MPRIP: variants seen among roughly 807,000 people sequenced by gnomAD.
MPRIP encodes the protein myosin phosphatase Rho interacting protein.
Under a neutral mutation model 234.9 loss-of-function variants are expected in MPRIP, and 59 were observed. The observed-to-expected ratio is 0.25, with a 90% CI of 0.20 to 0.31. MPRIP has a LOEUF of 0.31. MPRIP is among the 10% of genes least tolerant of loss of function. The probability of loss-of-function intolerance (pLI) is 1.00; values close to 1 mark genes in which losing one functional copy is unlikely to be tolerated. For missense variants in MPRIP, 2,436 were observed against 3,071.0 expected, an observed-to-expected ratio of 0.79 and a Z score of 4.89; for synonymous variants, 1,144 against 1,263.9, an observed-to-expected ratio of 0.91 and a Z score of 2.01.
At chr17:17,099,590 G>A (rs1386957300) in intron 3 of MPRIP, among the ~76,000 whole-genome samples, 2 of 152,078 alleles carry the variant, frequency 1.3e-5, no homozygotes, top group African/African-American at 4.8e-5. Context: ...AGCTGGATGT[G>A]GTGGTGCATA....
rs147101697 is a variant in MPRIP at position 17,158,716 on chromosome 17, G to A, written c.2114G>A (p.Arg705Gln). 3.6e-5 allele frequency: 58 copies of A among 1,610,212 alleles called. No individual in the cohort carries two copies. The highest frequency in any genetic ancestry group is 8.3e-5 in the Admixed American group (5 of 59,974). Residue 705 changes from arginine (R) to glutamine (Q), a missense_variant, in exon 14 of 24, where the codon CGG becomes CAG. Arg to Gln is a conservative substitution (Grantham distance 43). Coordinates refer to ENST00000651222, the MANE Select transcript of MPRIP (RefSeq NM_001364716.4). ...EPGELERERA[R>Q]RREERRKRFG... Reference sequence around the variant, plus strand: ...GGGGAGCTGGAGCGGGAGCGTGCACGGAGGCGGGAGGAGCGCCGCAAGCGC... The same window carrying A: ...GGGGAGCTGGAGCGGGAGCGTGCACAGAGGCGGGAGGAGCGCCGCAAGCGC...
At chr17:17,044,518 T>C (rs1460107747) in intron 1 of MPRIP, among the ~76,000 whole-genome samples, 1 of 152,220 alleles carries the variant, frequency 6.6e-6, no homozygotes, top group Non-Finnish European at 1.5e-5. Flanking sequence ...CAAGAAATGA[T>C]ATTTTATGAA....
At chr17:17,112,329 G>A (rs1195525620) in intron 3 of MPRIP, among the ~76,000 whole-genome samples, 1 of 152,028 alleles carries the variant, frequency 6.6e-6, no homozygotes, top group Admixed American at 6.5e-5. Flanking sequence ...TCCAAACCCG[G>A]CCTCCTTGCC....
intron 7 of MPRIP, 133 bp from the exon 8 acceptor site, chr17:17,142,494 C>G: frequency 9.4e-7 from 1 of 1,059,340 alleles, no homozygotes; most frequent in Non-Finnish European, 1.4e-6. Flanking sequence ...GAGCACGTGT[C>G]TAGACAACCT....
chr17:17,128,814 T>C (rs2090542855), intron 4 of MPRIP, among the ~76,000 whole-genome samples: 1 of 152,224 alleles, frequency 6.6e-6, no homozygotes, highest in African/African-American at 2.4e-5. Context: ...TTTGCCTCCT[T>C]CTCCCATTCC....
chr17:17,092,625 G>A (rs1464962258), intron 3 of MPRIP, among the ~76,000 whole-genome samples: 1 of 152,054 alleles, frequency 6.6e-6, no homozygotes, highest in Non-Finnish European at 1.5e-5. Flanking sequence ...CAGACCCTGC[G>A]CTGAGCTCCT....
In MPRIP at chr17:17,138,819, G is replaced by A. The variant is rs966325083; in HGVS notation, c.1250+390G>A. Among the ~76,000 whole-genome samples the A allele has an allele frequency of 2.6e-5, 4 of 152,168 alleles. No individual in the cohort carries two copies. The highest frequency in any genetic ancestry group is 4.4e-5 in the Non-Finnish European group (3 of 68,016). ...CCCTAGAGCTACATGTGGTGACAGA[G>A]GCGCTCCTCACCCTGGCAGTCCCAG... On this transcript the variant is annotated intron_variant, in intron 7 of 23. Transcript: ENST00000651222. This position sits in a 1 kb window ranked among gnomAD's most constrained non-coding sequence, Gnocchi z 5.8.
At chr17:17,142,404 C>T (rs1412519306) in intron 7 of MPRIP, 4 of 506,874 alleles carry the variant, frequency 7.9e-6, no homozygotes, top group East Asian at 3.5e-5. Context: ...GCCTCTAGCG[C>T]GGGGGCAGAG....
chr17:17,114,853 C>G (rs1225031307), intron 3 of MPRIP, among the ~76,000 whole-genome samples: 7 of 152,092 alleles, frequency 4.6e-5, no homozygotes, highest in Non-Finnish European at 2.9e-5. Context: ...AGCCAGCAGG[C>G]CAGCCTGGCG....
At chr17:17,056,046 G>T (rs541624608) in intron 1 of MPRIP, among the ~76,000 whole-genome samples, 1 of 152,214 alleles carries the variant, frequency 6.6e-6, no homozygotes, top group Non-Finnish European at 1.5e-5. Flanking sequence ...CACATGACTC[G>T]AGAGGACTGA....
chr17:17,184,917 A>G lies in MPRIP; in HGVS notation c.*23A>G. ...TAGGTGTGTCCCATCCAAGTTGAGC[A>G]CGCGCCTTCCCCAGCTTGCAGCAGC... On this transcript the variant is annotated 3_prime_UTR_variant, in exon 24 of 24. Transcript: ENST00000651222. The G allele has an allele frequency of 5.7e-6, 9 of 1,579,628 alleles. No homozygotes were observed. Among genetic ancestry groups the G allele is most frequent in the Non-Finnish European group, 7.0e-6 (8 of 1,150,804 alleles).
chr17:17,172,113 C>T (rs1397598109), intron 17 of MPRIP, among the ~76,000 whole-genome samples: 1 of 152,248 alleles, frequency 6.6e-6, no homozygotes, highest in Non-Finnish European at 1.5e-5. Flanking sequence ...ACACAAGGAG[C>T]TGTCCCAACC....
chr17:17,142,534 GC>G, intron 7 of MPRIP, 92 bp from the exon 8 acceptor site: 1 of 1,479,102 alleles, frequency 6.8e-7, no homozygotes, highest in Non-Finnish European at 9.3e-7. Context: ...GGGGAATCAG[GC>G]CCGGGCCAGG....
At chr17:17,178,160 C>G (rs950711344) in intron 22 of MPRIP, among the ~76,000 whole-genome samples, 5 of 152,006 alleles carry the variant, frequency 3.3e-5, no homozygotes, top group African/African-American at 1.2e-4. Context: ...TGGGCTCAAG[C>G]GATCCAGCCA....
chr17:17,155,984 C>T (rs550408216), intron 13 of MPRIP, among the ~76,000 whole-genome samples: 124 of 152,378 alleles, frequency 8.1e-4, no homozygotes, highest in Middle Eastern at 3.4e-3. Context: ...AGAAAGGCCT[C>T]AGCTTCTTTG....
intron 8 of MPRIP, 76 bp from the exon 9 acceptor site, chr17:17,143,480 T>G (rs2144512277): frequency 1.1e-6 from 1 of 943,706 alleles, no homozygotes; most frequent in Non-Finnish European, 1.5e-6. Flanking sequence ...CTTGGAGGGG[T>G]GGACAGCACC....
chr17:17,189,196 T>G lies in MPRIP; in HGVS notation c.*4302T>G, dbSNP rs1192056309. ...TGGGTGGAGGGGGGTTGTTTTTTGT[T>G]TTTTGTTTTCAAGACAGAGTCTCGC... is the stretch of plus-strand genomic sequence containing the variant. On this transcript the variant is annotated 3_prime_UTR_variant, in exon 24 of 24. Transcript: ENST00000651222. 2 of 152,292 alleles carry G rather than the reference T, an allele frequency of 1.3e-5. No homozygotes were observed. Among genetic ancestry groups the G allele is most frequent in the African/African-American group, 4.8e-5 (2 of 41,416 alleles). The allele number at this position is 152,292 out of a possible 1,614,324, so 9.4% of individuals were successfully genotyped here. A position where few individuals can be genotyped will look rare whatever the true frequency, so the allele number is the denominator to read the frequency against.
chr17:17,043,180 C>T (rs1157761901), intron 1 of MPRIP, among the ~76,000 whole-genome samples: 2 of 152,212 alleles, frequency 1.3e-5, no homozygotes, highest in Non-Finnish European at 2.9e-5. Context: ...CTTTCCCGTT[C>T]CCATTGCCCG....
chr17:17,072,228 C>G (rs2144015972), intron 1 of MPRIP, among the ~76,000 whole-genome samples: 1 of 152,300 alleles, frequency 6.6e-6, no homozygotes, highest in East Asian at 1.9e-4. Context: ...GCAGCTCTTC[C>G]TGGGAGGCCT....
Sources: gnomAD v4.1 joint callset for allele counts (sites outside exome capture counted in the v4.1 genomes callset) on GRCh38, gnomAD v4.1.1 for gene constraint, Gnocchi (gnomAD v3.1) non-coding constraint, MANE v1.5 for transcripts, NCBI Gene and HGNC (gene_info 2026-07-23, HGNC 2026-07-21) for gene names.